The following DYTN variants were observed in gnomAD, a reference collection of about 807,000 sequenced individuals.
The protein encoded by DYTN is dystrotelin.
DYTN carries 75 observed loss-of-function variants against 69.6 expected under a neutral mutation model. The ratio of observed to expected loss-of-function variants is 1.08; its 90% CI spans 0.89 to 1.31. The LOEUF (loss-of-function observed/expected upper bound fraction) is 1.31, where lower values mean the gene tolerates loss of function less well. DYTN is among the 50% of genes most tolerant of loss of function. DYTN has a pLI of 0.00. For synonymous variants in DYTN, 252 were observed against 249.1 expected (o/e 1.01, Z -0.11); for missense variants, 726 against 688.4 (o/e 1.05, Z -0.61).
rs762939397 is a variant in DYTN at position 206,663,205 on chromosome 2, G to GTGTGACTTC, written c.1322_1330dup (p.Arg441_His443dup). The GTGTGACTTC allele has an allele frequency of 6.2e-7, 1 of 1,613,850 alleles. No individual in the cohort carries two copies. Among genetic ancestry groups the GTGTGACTTC allele is most frequent in the Non-Finnish European group, 8.5e-7 (1 of 1,179,902 alleles). ...ATTTCGCAGAGCATGCTCTGCATTT[G>GTGTGACTTC]TGTGACTTCTGTGACTTCTGTCAAC... On this transcript the variant is annotated inframe_insertion, in exon 11 of 12. Coordinates refer to ENST00000452335, the MANE Select transcript of DYTN (RefSeq NM_001093730.1).
chr2:206,653,804 C>T (rs1699415533), intron 11 of DYTN, among the ~76,000 whole-genome samples: 1 of 152,142 alleles, frequency 6.6e-6, no homozygotes, highest in Admixed American at 6.5e-5. Flanking sequence ...CAAAACAGAA[C>T]TCTTGATTTG....
intron 7 of DYTN, 124 bp downstream of exon 7, chr2:206,699,603 C>T (rs946598725): frequency 4.1e-6 from 5 of 1,218,168 alleles, no homozygotes; most frequent in African/African-American, 3.1e-5. Context: ...AATCATTGAG[C>T]CAAAAAAGTC....
At chr2:206,669,513 T>C (rs1699608678) in intron 9 of DYTN, among the ~76,000 whole-genome samples, 1 of 152,224 alleles carries the variant, frequency 6.6e-6, no homozygotes, top group African/African-American at 2.4e-5. Flanking sequence ...TACACTTTGG[T>C]ACACTTTGTA....
intron 11 of DYTN, among the ~76,000 whole-genome samples, chr2:206,656,013 T>G (rs28799892): frequency 0.6 from 91,390 of 151,970 alleles, 27,786 homozygotes; most frequent in South Asian, 0.68. Flanking sequence ...GGTTTACTGT[T>G]TTCAAGTCTA....
chr2:206,665,427 ATTAT>A (rs1316858430), intron 10 of DYTN, among the ~76,000 whole-genome samples: 8 of 151,340 alleles, frequency 5.3e-5, no homozygotes, highest in African/African-American at 1.2e-4. Flanking sequence ...CAGTAATTTT[ATTAT>A]TTATTTAATT....
intron 9 of DYTN, among the ~76,000 whole-genome samples, chr2:206,676,962 A>G (rs977414396): frequency 8.5e-5 from 13 of 152,076 alleles, no homozygotes; most frequent in Admixed American, 1.3e-4. Context: ...ATATTTATTT[A>G]TTAAGACAGG....
At chr2:206,684,262 T>C (rs1179847162) in intron 9 of DYTN, among the ~76,000 whole-genome samples, 1 of 152,222 alleles carries the variant, frequency 6.6e-6, no homozygotes, top group Non-Finnish European at 1.5e-5. Context: ...TCTTTGTCTT[T>C]TCAATAAGTA....
intron 11 of DYTN, among the ~76,000 whole-genome samples, chr2:206,652,335 C>T (rs777979948): frequency 1.3e-5 from 2 of 152,130 alleles, no homozygotes; most frequent in Admixed American, 6.6e-5. Context: ...GATACTGATG[C>T]GGCTAGTCCA....
intron 9 of DYTN, among the ~76,000 whole-genome samples, chr2:206,676,512 G>T (rs1357866983): frequency 1.3e-5 from 2 of 152,080 alleles, no homozygotes; most frequent in Admixed American, 6.6e-5. Flanking sequence ...GGCTTGATAG[G>T]TGCAGCAAAC....
intron 4 of DYTN, 41 bp from the exon 5 acceptor site, chr2:206,704,984 C>A: frequency 6.6e-7 from 1 of 1,516,006 alleles, no homozygotes; most frequent in East Asian, 2.3e-5. Flanking sequence ...TGAATACTTG[C>A]AATGTATCTT....
intron 9 of DYTN, among the ~76,000 whole-genome samples, chr2:206,674,753 A>ATTAG (rs56222798): frequency 0.58 from 87,212 of 151,264 alleles, 25,487 homozygotes; most frequent in African/African-American, 0.68. Context: ...AATGTTTACT[A>ATTAG]TTACTCTATT....
chr2:206,707,982 G>A (rs146900216), intron 2 of DYTN, among the ~76,000 whole-genome samples: 17 of 152,238 alleles, frequency 1.1e-4, no homozygotes, highest in African/African-American at 3.1e-4. Context: ...AGCAATTGCC[G>A]TAGTTAAATA....
At chr2:206,716,927 A>T (rs915774714) in intron 1 of DYTN, among the ~76,000 whole-genome samples, 8 of 152,144 alleles carry the variant, frequency 5.3e-5, no homozygotes, top group African/African-American at 1.9e-4. Flanking sequence ...GTTAGGCAGC[A>T]TAACACGGCA....
At chr2:206,702,249 A>G (rs1196385821) in intron 5 of DYTN, among the ~76,000 whole-genome samples, 2 of 152,176 alleles carry the variant, frequency 1.3e-5, no homozygotes, top group Admixed American at 6.5e-5. Flanking sequence ...TGTACCTGTC[A>G]CCTCCATTTA....
chr2:206,677,574 A>C (rs909988160), intron 9 of DYTN, among the ~76,000 whole-genome samples: 2 of 152,234 alleles, frequency 1.3e-5, no homozygotes, highest in Admixed American at 1.3e-4. Context: ...TTTAAAAGCT[A>C]TGTGTCAAGA....
chr2:206,683,087 A>G (rs1190473935), intron 9 of DYTN, among the ~76,000 whole-genome samples: 10 of 152,198 alleles, frequency 6.6e-5, no homozygotes, highest in African/African-American at 2.4e-4. Context: ...TAAATTCCAA[A>G]CAGATTGAAA....
At chr2:206,692,283 G>C (rs1053645214) in intron 9 of DYTN, among the ~76,000 whole-genome samples, 1 of 145,870 alleles carries the variant, frequency 6.9e-6, no homozygotes, top group Non-Finnish European at 1.5e-5. Flanking sequence ...AAAAAAAAAA[G>C]TGTTTCTCTC....
intron 11 of DYTN, among the ~76,000 whole-genome samples, chr2:206,653,558 T>A (rs1283074723): frequency 6.6e-6 from 1 of 152,230 alleles, no homozygotes. Flanking sequence ...GAGAGTAGAC[T>A]ACAAGAATGA....
Position 206,707,424 on chromosome 2 carries a change from A to C in DYTN, c.174T>G (p.Ser58=). The change falls in exon 3 of 12, where the codon TCT becomes TCG. Residue 58 remains serine (S), a synonymous_variant. Transcript: ENST00000452335. Reference sequence around the variant, plus strand: ...GGAGTGCCTGAGAAAGTTGCTGCACAGAAAGGGAGTGCTTGCGAGCTTCCC... The same window carrying C: ...GGAGTGCCTGAGAAAGTTGCTGCACCGAAAGGGAGTGCTTGCGAGCTTCCC... ...SFWEARKHSL[S]VQQLSQALQE... The C allele has an allele frequency of 6.2e-7, 1 of 1,613,356 alleles. No individual in the cohort carries two copies. The highest frequency in any genetic ancestry group is 8.5e-7 in the Non-Finnish European group (1 of 1,179,718).
Sources: gnomAD v4.1 joint callset for allele counts (sites outside exome capture counted in the v4.1 genomes callset) on GRCh38, gnomAD v4.1.1 for gene constraint, MANE v1.5 for transcripts, NCBI Gene and HGNC (gene_info 2026-07-23, HGNC 2026-07-21) for gene names.